Variants in ATPAF1 observed in about 807,000 individuals in gnomAD.
ATPAF1 encodes the protein homolog of yeast ATP11.
Under a neutral mutation model 43.9 loss-of-function variants are expected in ATPAF1, and 26 were observed. The observed-to-expected ratio is 0.59, with a 90% CI of 0.43 to 0.82. The LOEUF is 0.82. Among genes scored for constraint, ATPAF1 ranks in the 40% least tolerant of loss-of-function variants. The pLI is 0.00. For synonymous variants in ATPAF1, 157 were observed against 168.0 expected, an observed-to-expected ratio of 0.93 and a Z score of 0.50; for missense variants, 366 against 435.0, an observed-to-expected ratio of 0.84 and a Z score of 1.41.
At chr1:46,659,550 C>T (rs1676345284) in intron 2 of ATPAF1, among the ~76,000 whole-genome samples, 1 of 152,084 alleles carries the variant, frequency 6.6e-6, no homozygotes, top group Non-Finnish European at 1.5e-5. Flanking sequence ...AATGTTTCCT[C>T]TATCAAATTA....
intron 1 of ATPAF1, 43 bp from the exon 2 acceptor site, chr1:46,665,407 T>C (rs1557430011): frequency 1.3e-6 from 2 of 1,572,678 alleles, no homozygotes; most frequent in East Asian, 2.3e-5. Context: ...TGGGCCTTTT[T>C]GAATTCTAAA....
chr1:46,644,602 A>G (rs1430989900), intron 7 of ATPAF1, among the ~76,000 whole-genome samples: 1 of 152,160 alleles, frequency 6.6e-6, no homozygotes. Context: ...ATAGAATGCC[A>G]ATCCTAGTTA....
intron 6 of ATPAF1, among the ~76,000 whole-genome samples, chr1:46,651,977 A>G (rs1421883750): frequency 1.3e-5 from 2 of 152,140 alleles, no homozygotes; most frequent in African/African-American, 2.4e-5. Context: ...CAAAACCACA[A>G]TGAGATACCA....
At chr1:46,644,284 C>G (rs759222981) in intron 7 of ATPAF1, among the ~76,000 whole-genome samples, 31 of 133,636 alleles carry the variant, frequency 2.3e-4, no homozygotes, top group Non-Finnish European at 2.6e-4. Context: ...TGGGCTCAAT[C>G]CTGGCTCTAT....
At chr1:46,644,370 C>T (rs542585143) in intron 7 of ATPAF1, among the ~76,000 whole-genome samples, 9 of 152,046 alleles carry the variant, frequency 5.9e-5, no homozygotes, top group East Asian at 5.8e-4. Flanking sequence ...GTAAATATGG[C>T]GTATTATGAG....
At chr1:46,661,535 AT>A (rs1441742082) in intron 2 of ATPAF1, among the ~76,000 whole-genome samples, 1 of 152,216 alleles carries the variant, frequency 6.6e-6, no homozygotes, top group Non-Finnish European at 1.5e-5. Flanking sequence ...TAAAATATGT[AT>A]TTTGTTAAAA....
At chr1:46,633,418 G>GA (rs11403101), downstream of ATPAF1, 125,252 of 205,942 alleles carry the variant, frequency 0.61, 40,234 homozygotes, top group Non-Finnish European at 0.71. Flanking sequence ...ATTTTAGATG[G>GA]AAAAAAAACC....
chr1:46,635,426 C>A, exon 9 of ATPAF1: 1 of 220,248 alleles, frequency 4.5e-6, no homozygotes, highest in Non-Finnish European at 9.1e-6. Flanking sequence ...ATGACAAACT[C>A]ATCATTTGGG....
chr1:46,651,286 G>A (rs1467130086), intron 6 of ATPAF1, among the ~76,000 whole-genome samples: 1 of 151,932 alleles, frequency 6.6e-6, no homozygotes, highest in Non-Finnish European at 1.5e-5. Context: ...TACTGAGAAT[G>A]ATGATTTCCA....
intron 1 of ATPAF1, 173 bp from the exon 2 acceptor site, chr1:46,665,537 A>C (rs567443830): frequency 8.1e-7 from 1 of 1,230,278 alleles, no homozygotes; most frequent in South Asian, 1.4e-5. Context: ...AAACTGGAAA[A>C]AGAAATCCTG....
downstream of ATPAF1, chr1:46,633,761 T>G (rs1557922743): frequency 2.2e-6 from 1 of 456,152 alleles, no homozygotes; most frequent in Non-Finnish European, 4.4e-6. Flanking sequence ...TACTCCTTTT[T>G]CCATCATTTC....
chr1:46,637,631 G>A (rs1027156480), intron 8 of ATPAF1, among the ~76,000 whole-genome samples: 2 of 152,054 alleles, frequency 1.3e-5, no homozygotes, highest in Non-Finnish European at 2.9e-5. Flanking sequence ...GATGAAGACG[G>A]GTTTATAAAT....
chr1:46,646,491 A>G (rs1419360495), intron 6 of ATPAF1, among the ~76,000 whole-genome samples: 1 of 152,214 alleles, frequency 6.6e-6, no homozygotes, highest in African/African-American at 2.4e-5. Flanking sequence ...TATGCTCAAG[A>G]TGTTTAGAAT....
At chr1:46,659,312 A>G (rs1174813292) in intron 2 of ATPAF1, among the ~76,000 whole-genome samples, 1 of 152,212 alleles carries the variant, frequency 6.6e-6, no homozygotes, top group African/African-American at 2.4e-5. Context: ...ACTATCATCT[A>G]CTAGTACTGA....
At chr1:46,664,080 A>G (rs1676447470) in intron 2 of ATPAF1, among the ~76,000 whole-genome samples, 1 of 152,230 alleles carries the variant, frequency 6.6e-6, no homozygotes, top group Non-Finnish European at 1.5e-5. Flanking sequence ...AGTTACAATC[A>G]TATACCTACA....
At chr1:46,658,169 G>T in exon 4 of ATPAF1, 2 of 1,603,630 alleles carry the variant, frequency 1.2e-6, no homozygotes, top group Non-Finnish European at 1.7e-6. Context: ...CCATCTCAAT[G>T]TTAAAGATTG....
chr1:46,662,267 T>C (rs1324431785), intron 2 of ATPAF1, among the ~76,000 whole-genome samples: 1 of 152,202 alleles, frequency 6.6e-6, no homozygotes, highest in African/African-American at 2.4e-5. Context: ...TTAAAGTTTA[T>C]AATATAGTAA....
chr1:46,654,582 A>G (rs939382114), intron 4 of ATPAF1, among the ~76,000 whole-genome samples: 2 of 148,876 alleles, frequency 1.3e-5, no homozygotes, highest in Admixed American at 6.8e-5. Context: ...TCTAGGGTAC[A>G]TGTGTACAAC....
At position 46,658,882 on chromosome 1, in the gene ATPAF1, T is replaced by A. The variant is rs611919; in HGVS notation, c.376-145A>T. 40,978 of 521,478 alleles carry A rather than the reference T, an allele frequency of 0.079. 6,745 individuals carry two copies. Among genetic ancestry groups the A allele is most frequent in the African/African-American group, 0.4 (19,774 of 49,906 alleles). The allele number at this position is 521,478 out of a possible 1,614,324, so 32.3% of individuals were successfully genotyped here. A position where few individuals can be genotyped will look rare whatever the true frequency, so the allele number is the denominator to read the frequency against. On this transcript the variant is annotated intron_variant, in intron 2 of 8. Coordinates refer to ENST00000574428, the Ensembl canonical transcript of ATPAF1. ...ACTTTTTATAATAATTGTTCTAAAA[T>A]TTTAACACTATTTTAAAAATTATTG...
Sources: allele counts gnomAD v4.1 joint callset (sites outside exome capture counted in the v4.1 genomes callset), GRCh38; gene constraint gnomAD v4.1.1; transcripts MANE v1.5; gene names NCBI Gene and HGNC (gene_info 2026-07-23, HGNC 2026-07-21).